Variants in TSEN2 observed in about 807,000 individuals in gnomAD.
The protein encoded by TSEN2 is tRNA splicing endonuclease subunit 2, also known as tRNA-splicing endonuclease subunit Sen2.
Under a neutral mutation model 59.2 loss-of-function variants are expected in TSEN2, and 54 were observed. The ratio of observed to expected loss-of-function variants is 0.91; its 90% CI spans 0.73 to 1.14. TSEN2 has a LOEUF of 1.14. Among genes scored for constraint, TSEN2 ranks in the 50% most tolerant of loss-of-function variants. The pLI, the probability that TSEN2 is intolerant of heterozygous loss-of-function variation, is 0.00. For synonymous variants in TSEN2, 195 were observed against 198.2 expected, an observed-to-expected ratio of 0.98 and a Z score of 0.14; for missense variants, 636 against 576.2, an observed-to-expected ratio of 1.10 and a Z score of -1.06.
At chr3:12,538,932 C>T in intron 10 of TSEN2, 1 of 306,322 alleles carries the variant, frequency 3.3e-6, no homozygotes, top group Non-Finnish European at 6.3e-6. Flanking sequence ...AACCCAACCC[C>T]TGAGCCTCCA....
At chr3:12,536,462 T>A (rs2057674566), downstream of TSEN2, among the ~76,000 whole-genome samples, 1 of 152,158 alleles carries the variant, frequency 6.6e-6, no homozygotes, top group Non-Finnish European at 1.5e-5. Flanking sequence ...CGGGGAGTGC[T>A]GAACAATGGA....
At chr3:12,537,201 A>T (rs1677853014), downstream of TSEN2, among the ~76,000 whole-genome samples, 1 of 152,166 alleles carries the variant, frequency 6.6e-6, no homozygotes, top group Non-Finnish European at 1.5e-5. Flanking sequence ...ACTTGAGACC[A>T]GCCTGGGCAA....
At position 12,503,758 on chromosome 3, in the gene TSEN2, G is replaced by A. The variant is rs760427656; in HGVS notation, c.805G>A (p.Glu269Lys). The A allele has an allele frequency of 1.4e-5, 22 of 1,613,978 alleles. No homozygotes were observed. The highest frequency in any genetic ancestry group is 2.2e-5 in the East Asian group (1 of 44,892). ...LVEEAECAMSEREAAPNEELV... is the reference protein window; with the variant it reads ...LVEEAECAMSKREAAPNEELV... ...CGAGGAAGCGGAGTGTGCCATGAGC[G>A]AGAGGGAGGCTGCCCCAAATGAGGA... is the stretch of plus-strand genomic sequence containing the variant. The change falls in exon 5 of 12, where the codon GAG (glutamate) becomes AAG (lysine). Residue 269 changes from glutamate (E) to lysine (K), a missense_variant. Physicochemically the swap from Glu to Lys is moderately conservative, Grantham distance 56. Coordinates refer to ENST00000284995, the MANE Select transcript of TSEN2 (RefSeq NM_025265.4).
intron 10 of TSEN2, chr3:12,530,307 T>C: frequency 1.0e-6 from 1 of 991,344 alleles, no homozygotes; most frequent in Non-Finnish European, 1.2e-6. Context: ...CTAAGCACTT[T>C]CCCACCCTGT....
chr3:12,490,601 T>G (rs2053120876), intron 2 of TSEN2, among the ~76,000 whole-genome samples: 1 of 152,264 alleles, frequency 6.6e-6, no homozygotes, highest in African/African-American at 2.4e-5. Flanking sequence ...AACAGCTTTA[T>G]TGAGTTATAA....
At chr3:12,487,194 G>A (rs985226634) in intron 1 of TSEN2, among the ~76,000 whole-genome samples, 4 of 152,144 alleles carry the variant, frequency 2.6e-5, no homozygotes, top group Non-Finnish European at 4.4e-5. Flanking sequence ...TAATAATGGC[G>A]GCTTTGCATG....
At chr3:12,502,813 C>T (rs2054432989) in intron 4 of TSEN2, among the ~76,000 whole-genome samples, 2 of 151,646 alleles carry the variant, frequency 1.3e-5, no homozygotes. Context: ...GTGGCTCACA[C>T]CTGTAATCCC....
At chr3:12,536,608 A>G (rs1357692224), downstream of TSEN2, among the ~76,000 whole-genome samples, 9 of 152,186 alleles carry the variant, frequency 5.9e-5, no homozygotes, top group African/African-American at 1.9e-4. Flanking sequence ...TCAGTTCATA[A>G]TTCTACAGAC....
In TSEN2 at chr3:12,484,889, G is replaced by A. The variant is rs2052435127; in HGVS notation, c.-18+9G>A. On this transcript the variant is annotated intron_variant, in intron 1 of 11. Transcript: ENST00000284995. ...AGGAAAGAAGCAAAGGGGTAAGACAGGGAGTTAGGAATTGGCGGGGCCCCT... is the reference window on the plus strand; with the variant it reads ...AGGAAAGAAGCAAAGGGGTAAGACAAGGAGTTAGGAATTGGCGGGGCCCCT... The A allele has an allele frequency of 6.6e-6, 1 of 152,342 alleles. No individual in the cohort carries two copies. The highest frequency in any genetic ancestry group is 1.5e-5 in the Non-Finnish European group (1 of 68,100). 9.4% of individuals were successfully genotyped at this position (152,342 alleles called of 1,614,324 possible). A position where few individuals can be genotyped will look rare whatever the true frequency, so the allele number is the denominator to read the frequency against.
chr3:12,506,855 A>G (rs906089424), intron 6 of TSEN2: 35 of 985,194 alleles, frequency 3.6e-5, no homozygotes, highest in Non-Finnish European at 4.1e-5. Context: ...AAGAAGTGCT[A>G]TGGAACACAT....
At chr3:12,505,738 C>G (rs1223239389) in intron 6 of TSEN2, among the ~76,000 whole-genome samples, 2 of 141,440 alleles carry the variant, frequency 1.4e-5, no homozygotes, top group East Asian at 4.1e-4. Context: ...AAGCCAAGAT[C>G]GTGCCATTGC....
intron 4 of TSEN2, among the ~76,000 whole-genome samples, chr3:12,498,498 C>T (rs1456999607): frequency 6.6e-6 from 1 of 152,088 alleles, no homozygotes; most frequent in South Asian, 2.1e-4. Context: ...TTTTTAATCC[C>T]TTTGCCATAC....
chr3:12,481,925 A>G (rs79773930), upstream of TSEN2, among the ~76,000 whole-genome samples: 5 of 33,972 alleles, frequency 1.5e-4, no homozygotes, highest in South Asian at 4.0e-4. Context: ...GTGTCTGCGT[A>G]TATATATATA....
chr3:12,527,494 C>T (rs963445746), intron 8 of TSEN2, among the ~76,000 whole-genome samples: 2 of 148,322 alleles, frequency 1.3e-5, no homozygotes, highest in Non-Finnish European at 3.0e-5. Flanking sequence ...CGCTCTGTCG[C>T]CCAGGCTGGA....
chr3:12,531,164 C>G (rs968658560), intron 10 of TSEN2: 41 of 200,156 alleles, frequency 2.0e-4, no homozygotes, highest in African/African-American at 9.1e-4. Context: ...CTAATCACCT[C>G]CCACGAGGTC....
Position 12,496,752 on chromosome 3 carries a change from T to G in TSEN2, c.308+198T>G, listed in dbSNP as rs112608772. 0.012 allele frequency among the ~76,000 whole-genome samples: 1,752 copies of G among 152,346 alleles called. 36 individuals are homozygous for G. The highest frequency in any genetic ancestry group is 0.04 in the African/African-American group (1,672 of 41,568). On this transcript the variant is annotated intron_variant, in intron 4 of 11. Coordinates refer to ENST00000284995, the MANE Select transcript of TSEN2 (RefSeq NM_025265.4). ...CAATGCCTTACGTGAGTTTATGGTT[T>G]GTTTAAATACTGTTTTGCCAGTTGA... is the stretch of plus-strand genomic sequence containing the variant.
Position 12,503,589 on chromosome 3 carries a change from G to A in TSEN2, c.636G>A (p.Glu212=). Reference sequence around the variant, plus strand: ...AGAGCTTTGAGAAAAGCGTGCGAGAGGATGCCTCACCTCTGCCCCATGTCT... The same window carrying A: ...AGAGCTTTGAGAAAAGCGTGCGAGAAGATGCCTCACCTCTGCCCCATGTCT... ...TTESFEKSVR[E]DASPLPHVCC... is the part of the protein sequence containing the mutation. The change falls in exon 5 of 12, where the codon GAG becomes GAA. Residue 212 remains glutamate (E), a synonymous_variant. Transcript: ENST00000284995. 1.3e-6 allele frequency: 2 copies of A among 1,599,720 alleles called. No homozygotes were observed. The highest frequency in any genetic ancestry group is 1.7e-6 in the Non-Finnish European group (2 of 1,171,082).
chr3:12,515,764 G>C (rs2056001801), intron 6 of TSEN2, among the ~76,000 whole-genome samples: 2 of 152,094 alleles, frequency 1.3e-5, no homozygotes, highest in Admixed American at 1.3e-4. Context: ...ATCATTATGT[G>C]AGGTCAGTGC....
intron 1 of TSEN2, among the ~76,000 whole-genome samples, chr3:12,485,143 C>T (rs527476643): frequency 6.6e-6 from 1 of 152,282 alleles, no homozygotes; most frequent in South Asian, 2.1e-4. Context: ...CCTCCCTAAG[C>T]CCAGGAGGTG....
Sources: allele counts gnomAD v4.1 joint callset (sites outside exome capture counted in the v4.1 genomes callset), GRCh38; gene constraint gnomAD v4.1.1; transcripts MANE v1.5; gene names NCBI Gene and HGNC (gene_info 2026-07-23, HGNC 2026-07-21).